Variants in SGCZ observed in about 807,000 individuals in gnomAD.
The protein encoded by SGCZ is zeta-sarcoglycan.
SGCZ carries 40 observed loss-of-function variants against 41.3 expected under a neutral mutation model. The observed-to-expected ratio is 0.97, with a 90% CI of 0.75 to 1.26. The LOEUF is 1.26. Ranked by LOEUF, SGCZ falls within the 50% of genes most tolerant of loss-of-function variation. SGCZ has a pLI of 0.00. For synonymous variants in SGCZ, 206 were observed against 137.5 expected, an observed-to-expected ratio of 1.50 and a Z score of -3.49; for missense variants, 552 against 369.8, an observed-to-expected ratio of 1.49 and a Z score of -4.04.
intron 1 of SGCZ, among the ~76,000 whole-genome samples, chr8:15,097,894 A>ATATATATATATATACGTGTGTG (rs1563124168): frequency 8.1e-6 from 1 of 123,848 alleles, no homozygotes; most frequent in Non-Finnish European, 1.6e-5. Flanking sequence ...GTGTGTATAT[A>ATATATATATATATACGTGTGTG]TATATATATA....
At position 14,525,641 on chromosome 8, in the gene SGCZ, A is replaced by G. The variant is rs150629714; in HGVS notation, c.234+29091T>C. Among the ~76,000 whole-genome samples, 86 of 152,252 alleles carry G rather than the reference A, an allele frequency of 5.6e-4. 3 individuals are homozygous for G. In the East Asian group the frequency reaches 0.012, roughly 21 times the overall value. On this transcript the variant is annotated intron_variant, in intron 2 of 7. Transcript: ENST00000382080. Reference sequence around the variant, plus strand: ...ACTTCTTGACCTAGTCACATCAAATAAAAGAAAACATTAACACACTAAAAA... The same window carrying G: ...ACTTCTTGACCTAGTCACATCAAATGAAAGAAAACATTAACACACTAAAAA...
intron 5 of SGCZ, among the ~76,000 whole-genome samples, chr8:14,126,360 CA>C (rs1252972001): frequency 1.3e-5 from 2 of 152,024 alleles, no homozygotes; most frequent in Non-Finnish European, 2.9e-5. Context: ...TTTATTCAGC[CA>C]ACAAACATAT....
At chr8:15,169,612 T>C (rs1335782561) in intron 1 of SGCZ, among the ~76,000 whole-genome samples, 3 of 152,118 alleles carry the variant, frequency 2.0e-5, no homozygotes, top group Admixed American at 6.5e-5. Context: ...AGGCGGCTAA[T>C]AAACAACAAC....
chr8:14,930,430 A>G (rs1292021722), intron 1 of SGCZ, among the ~76,000 whole-genome samples: 1 of 152,040 alleles, frequency 6.6e-6, no homozygotes, highest in Non-Finnish European at 1.5e-5. Context: ...CAGTGTGGAG[A>G]TTCCTCAAGG....
At chr8:14,580,999 C>T (rs758743123) in intron 1 of SGCZ, among the ~76,000 whole-genome samples, 3 of 152,216 alleles carry the variant, frequency 2.0e-5, no homozygotes, top group Non-Finnish European at 4.4e-5. Context: ...AGAACCATAG[C>T]TACTGCATTA....
At chr8:14,977,075 T>C (rs977288056) in intron 1 of SGCZ, among the ~76,000 whole-genome samples, 1 of 152,258 alleles carries the variant, frequency 6.6e-6, no homozygotes. Flanking sequence ...TACTTCTCTC[T>C]GTTGTTCTGG....
At chr8:14,414,480 G>A (rs1435945876) in intron 2 of SGCZ, among the ~76,000 whole-genome samples, 2 of 151,828 alleles carry the variant, frequency 1.3e-5, no homozygotes, top group African/African-American at 4.8e-5. Flanking sequence ...TAAATGTTAT[G>A]TTTGGAACCT....
At chr8:15,123,191 T>C (rs1252163474) in intron 1 of SGCZ, among the ~76,000 whole-genome samples, 3 of 152,202 alleles carry the variant, frequency 2.0e-5, no homozygotes, top group African/African-American at 7.2e-5. Flanking sequence ...TCTAGCTTTA[T>C]GTAGCATCCT....
intron 2 of SGCZ, among the ~76,000 whole-genome samples, chr8:14,521,458 A>G (rs993051021): frequency 1.3e-5 from 2 of 152,030 alleles, no homozygotes; most frequent in African/African-American, 4.8e-5. Context: ...TGTACCCCTG[A>G]ACTTAAAATA....
intron 2 of SGCZ, among the ~76,000 whole-genome samples, chr8:14,417,254 G>A (rs2117294593): frequency 6.6e-6 from 1 of 152,002 alleles, no homozygotes; most frequent in Non-Finnish European, 1.5e-5. Context: ...GGCAAGTATA[G>A]TCCAAAATGG....
rs571514301 is a variant in SGCZ, at chr8:14,483,004, A to T, written c.234+71728T>A. ...TATATCTTTATACACACACACACAA[A>T]CACATATCCTATTGCTTCTGTTTTC... On this transcript the variant is annotated intron_variant, in intron 2 of 7. Transcript: ENST00000382080. Among the ~76,000 whole-genome samples, 3 of 152,116 alleles carry T rather than the reference A, an allele frequency of 2.0e-5. No individual in the cohort carries two copies. In the South Asian group the frequency reaches 6.2e-4, roughly 32 times the overall value.
intron 2 of SGCZ, among the ~76,000 whole-genome samples, chr8:14,355,886 T>C (rs182038378): frequency 6.6e-6 from 1 of 152,200 alleles, no homozygotes; most frequent in African/African-American, 2.4e-5. Flanking sequence ...GTGAGTTATC[T>C]AGATAATTGT....
chr8:14,708,146 T>A (rs1339226519), intron 1 of SGCZ, among the ~76,000 whole-genome samples: 1 of 151,960 alleles, frequency 6.6e-6, no homozygotes, highest in African/African-American at 2.4e-5. Context: ...AATTAAATTA[T>A]ATTTTAATTA....
At chr8:14,383,022 T>TAGATACAGCCCAATAG (rs1804427684) in intron 2 of SGCZ, among the ~76,000 whole-genome samples, 1 of 152,136 alleles carries the variant, frequency 6.6e-6, no homozygotes, top group Non-Finnish European at 1.5e-5. Flanking sequence ...TTCACACGCC[T>TAGATACAGCCCAATAG]AGATACAGCC....
chr8:14,876,674 A>G (rs1804368508), intron 1 of SGCZ, among the ~76,000 whole-genome samples: 1 of 152,226 alleles, frequency 6.6e-6, no homozygotes, highest in South Asian at 2.1e-4. Context: ...AGGTGCCAAT[A>G]AAGTTATTGA....
chr8:15,237,444 G>C (rs1341533980), intron 1 of SGCZ, 141 bp downstream of exon 1: 1 of 994,702 alleles, frequency 1.0e-6, no homozygotes, highest in East Asian at 2.6e-5. Context: ...GCCTGCGCCC[G>C]GGTGCGCGTC....
intron 3 of SGCZ, among the ~76,000 whole-genome samples, chr8:14,290,884 G>C (rs1800817149): frequency 6.6e-6 from 1 of 152,190 alleles, no homozygotes; most frequent in Middle Eastern, 3.4e-3. Context: ...AGAGATATCT[G>C]CACTCCTACT....
At chr8:15,146,791 A>T (rs544312767) in intron 1 of SGCZ, among the ~76,000 whole-genome samples, 1 of 152,154 alleles carries the variant, frequency 6.6e-6, no homozygotes, top group African/African-American at 2.4e-5. Flanking sequence ...CAAATGCATG[A>T]TCTTTTCTGA....
chr8:14,776,588 G>C (rs1368903956), intron 1 of SGCZ, among the ~76,000 whole-genome samples: 1 of 147,058 alleles, frequency 6.8e-6, no homozygotes, highest in East Asian at 2.0e-4. Flanking sequence ...CAGCCTCCCG[G>C]GTTCAGGCCA....
Sources: gnomAD v4.1 joint callset for allele counts (sites outside exome capture counted in the v4.1 genomes callset) on GRCh38, gnomAD v4.1.1 for gene constraint, MANE v1.5 for transcripts, NCBI Gene and HGNC (gene_info 2026-07-23, HGNC 2026-07-21) for gene names.